The following MED23 variants were observed in gnomAD, a reference collection of about 807,000 sequenced individuals.
The protein encoded by MED23 is mediator of RNA polymerase II transcription subunit 23.
In MED23, 105 loss-of-function variants were observed where a neutral mutation model predicts 163.9. The ratio of observed to expected loss-of-function variants is 0.64; its 90% confidence interval spans 0.55 to 0.75. The LOEUF (loss-of-function observed/expected upper bound fraction) is 0.75. Ranked by LOEUF, MED23 falls within the 30% of genes least tolerant of loss-of-function variation. MED23 has a pLI of 0.00. For missense variants in MED23, 1,054 were observed against 1,649.0 expected (o/e 0.64, Z 6.25); for synonymous variants, 561 against 565.6 (o/e 0.99, Z 0.12).
intron 6 of MED23, 142 bp downstream of exon 6, chr6:131,621,739 A>T (rs762820101): frequency 3.9e-6 from 2 of 514,952 alleles, no homozygotes; most frequent in Non-Finnish European, 7.0e-6. Context: ...GGGAACTAGC[A>T]TCTTTTAAAA....
In MED23 at chr6:131,587,111, A is replaced by G; in HGVS notation, c.*568T>C. On this transcript the variant is annotated 3_prime_UTR_variant, in exon 29 of 29. Coordinates refer to ENST00000368068, the MANE Select transcript of MED23 (RefSeq NM_004830.4). Reference sequence around the variant, plus strand: ...AATAAAACTGCCAGTTGACCTTGATAGAAACTATGGAAATTTATAATAAAA... The same window carrying G: ...AATAAAACTGCCAGTTGACCTTGATGGAAACTATGGAAATTTATAATAAAA... The G allele has an allele frequency of 7.9e-7, 1 of 1,265,222 alleles. No homozygotes were observed. Among genetic ancestry groups the G allele is most frequent in the East Asian group, 3.2e-5 (1 of 31,080 alleles). 78.4% of individuals were successfully genotyped at this position (1,265,222 alleles called of 1,614,324 possible).
Position 131,604,168 on chromosome 6 carries a change from C to A in MED23, c.1756+10G>T. 6.2e-7 allele frequency: 1 copy of A among 1,613,384 alleles called. No individual in the cohort carries two copies. Among genetic ancestry groups the A allele is most frequent in the Non-Finnish European group, 8.5e-7 (1 of 1,179,488 alleles). On this transcript the variant is annotated intron_variant, in intron 15 of 28. Coordinates refer to ENST00000368068, the MANE Select transcript of MED23 (RefSeq NM_004830.4). Reference sequence around the variant, plus strand: ...TTAATAGTTATAAACACCAGAAAGTCCTGTCTTACTGATAAATCCTTTGAT... The same window carrying A: ...TTAATAGTTATAAACACCAGAAAGTACTGTCTTACTGATAAATCCTTTGAT...
intron 25 of MED23, 33 bp from the exon 26 acceptor site, chr6:131,591,560 T>C: frequency 1.3e-6 from 2 of 1,488,378 alleles, no homozygotes; most frequent in Non-Finnish European, 1.9e-6. Context: ...GTGAAAAATA[T>C]CACTTATCCA....
chr6:131,596,540 G>C lies in MED23; in HGVS notation c.2756C>G (p.Thr919Ser). 2 of 1,614,104 alleles carry C rather than the reference G, an allele frequency of 1.2e-6. No homozygotes were observed. Among genetic ancestry groups the C allele is most frequent in the African/African-American group, 1.3e-5 (1 of 75,042 alleles). The change falls in exon 21 of 29, where the codon ACC becomes AGC. Residue 919 changes from threonine to serine, a missense_variant. Physicochemically the swap from Thr to Ser is moderately conservative, Grantham distance 58. Coordinates refer to ENST00000368068, the MANE Select transcript of MED23 (RefSeq NM_004830.4). The part of the protein sequence containing the change: ...PEHWLQNDWH[T>S]KHMNYHKKYP... ...TACCTTGTGATAATTCATGTGCTTG[G>C]TGTGCCAGTCATTCTGTAACCAGTG...
chr6:131,597,475 CAAAAAAA>C (rs59083644), intron 20 of MED23, among the ~76,000 whole-genome samples: 112 of 53,740 alleles, frequency 2.1e-3, no homozygotes, highest in Non-Finnish European at 3.4e-3. Flanking sequence ...GACTCCATAT[CAAAAAAA>C]AAAAAAAAAA....
intron 16 of MED23, 142 bp from the exon 17 acceptor site, chr6:131,602,523 C>T: frequency 2.6e-6 from 2 of 761,272 alleles, no homozygotes; most frequent in Non-Finnish European, 2.0e-6. Context: ...ATAAATGTTG[C>T]TTAATTTGTT....
intron 28 of MED23, 101 bp from the exon 29 acceptor site, chr6:131,587,947 A>C (rs138083905): frequency 1.4e-4 from 136 of 995,712 alleles, no homozygotes; most frequent in Middle Eastern, 7.3e-4. Flanking sequence ...TAAACTAAGG[A>C]GTGTCGTGGG....
intron 3 of MED23, 31 bp downstream of exon 3, chr6:131,627,365 C>G: frequency 6.7e-7 from 1 of 1,501,022 alleles, no homozygotes; most frequent in Non-Finnish European, 9.2e-7. Flanking sequence ...CAAAAATCAT[C>G]AGCTGAATGT....
At chr6:131,579,584 T>G (rs1773811685) in intron 30 of MED23, 1 of 267,616 alleles carries the variant, frequency 3.7e-6, no homozygotes, top group Non-Finnish European at 7.3e-6. Flanking sequence ...GTGAGGCAAT[T>G]CATAGCTTAT....
rs1364644552 is a variant in MED23 at position 131,628,008 on chromosome 6, C to A, written c.39+3G>T. ...GTCCTGGATGGCCGGCAGCTGCACTCACCACCACCTCTTCGAAAATGCTCT... is the reference window on the plus strand; with the variant it reads ...GTCCTGGATGGCCGGCAGCTGCACTAACCACCACCTCTTCGAAAATGCTCT... On this transcript the variant is annotated splice_donor_region_variant and intron_variant, in intron 1 of 28. Transcript: ENST00000368068. 6.2e-7 allele frequency: 1 copy of A among 1,613,940 alleles called. No homozygotes were observed. Among genetic ancestry groups the A allele is most frequent in the Non-Finnish European group, 8.5e-7 (1 of 1,180,044 alleles).
At position 131,622,008 on chromosome 6, in the gene MED23, A is replaced by G. The variant is rs762029737; in HGVS notation, c.397-29T>C. On this transcript the variant is annotated intron_variant, in intron 5 of 28. Transcript: ENST00000368068. ...ATATAAGAAAAAAGACATGGGTTAA[A>G]ATTAAGTAGTGTCTACTGTGTTAGC... The G allele has an allele frequency of 2.0e-6, 3 of 1,511,658 alleles. No individual in the cohort carries two copies. In the East Asian group the frequency reaches 6.8e-5, roughly 34 times the overall value. The allele number at this position is 1,511,658 out of a possible 1,614,324, so 93.6% of individuals were successfully genotyped here.
rs1266719538 is a variant in MED23, at chr6:131,594,303, G to A, written c.3028C>T (p.His1010Tyr). 6.2e-7 allele frequency: 1 copy of A among 1,614,016 alleles called. No homozygotes were observed. The highest frequency in any genetic ancestry group is 1.3e-5 in the African/African-American group (1 of 75,026). Residue 1010 changes from histidine (H) to tyrosine (Y), a missense_variant, in exon 23 of 29, where the codon CAC (histidine) becomes TAC (tyrosine). Physicochemically the swap from His to Tyr is moderately conservative, Grantham distance 83. Around this residue, in one of 11 missense-constraint regions of MED23, gnomAD observed 362 missense variants for 471.6 expected, o/e 0.77. Coordinates refer to ENST00000368068, the MANE Select transcript of MED23 (RefSeq NM_004830.4). ...TCTCTCAGGTGCATTTCATAATAGT[G>A]CAGAGTGTTATACAGATAAGTCACT... is the stretch of plus-strand genomic sequence containing the variant. Reference protein sequence around the residue: ...RPVTYLYNTLHYYEMHLRDRA... With the variant: ...RPVTYLYNTLYYYEMHLRDRA...
intron 9 of MED23, among the ~76,000 whole-genome samples, chr6:131,617,445 C>T (rs116181556): frequency 0.012 from 1,732 of 149,300 alleles, 33 homozygotes; most frequent in African/African-American, 0.041. Flanking sequence ...ACCTTAGAAA[C>T]AGTTACGGCA....
rs375373004 is a variant in MED23, at chr6:131,600,140, T to C, written c.2118A>G (p.Ser706=). Reference sequence around the variant, plus strand: ...TGTCTTTACACCAAGTTCCCTGAATTGAATCAGAGCCTGTAAAAAAATCTA... The same window carrying C: ...TGTCTTTACACCAAGTTCCCTGAATCGAATCAGAGCCTGTAAAAAAATCTA... The part of the protein sequence containing the change: ...HVTDFFTGSD[S]IQGTWCKDIL... The change falls in exon 18 of 29, where the codon TCA becomes TCG. Residue 706 remains serine, a synonymous_variant. Transcript: ENST00000368068. 4.3e-6 allele frequency: 7 copies of C among 1,611,290 alleles called. No individual in the cohort carries two copies. In the African/African-American group the frequency reaches 8.0e-5, roughly 18 times the overall value.
Position 131,598,698 on chromosome 6 carries a change from C to A in MED23, c.2284G>T (p.Glu762Ter). 2 of 1,614,100 alleles carry A rather than the reference C, an allele frequency of 1.2e-6. No individual in the cohort carries two copies. The highest frequency in any genetic ancestry group is 1.1e-5 in the South Asian group (1 of 91,074). The change falls in exon 19 of 29, where the codon GAG becomes TAG. Residue 762 changes from glutamate (E) to a stop codon, truncating the protein, a stop_gained. Coordinates refer to ENST00000368068, the MANE Select transcript of MED23 (RefSeq NM_004830.4). LOFTEE classifies it high-confidence loss of function. This position sits in a 1 kb window ranked among gnomAD's most constrained non-coding sequence, Gnocchi z 4.7. ...ATTGACTTCCACTTCCTATACTCCT[C>A]CTCCACATTTTTTTTCAGATTAAAA... ...SRFNLKKNVE[E>*]EYRKWKSMSN...
chr6:131,594,150 A>C lies in MED23; in HGVS notation c.3181T>G (p.Trp1061Gly). The part of the protein sequence containing the change: ...CAMNAREENP[W>G]VPDDTYYCRL... ...CAATAGTAGGTGTCATCTGGAACCC[A>C]AGGATTTTCCTCTCGTGCATTCATA... Residue 1061 changes from tryptophan to glycine, a missense_variant, in exon 23 of 29, where the codon TGG (tryptophan) becomes GGG (glycine). Around this residue, in one of 11 missense-constraint regions of MED23, gnomAD observed 362 missense variants for 471.6 expected, o/e 0.77. Transcript: ENST00000368068. 1 of 1,614,194 alleles carries C rather than the reference A, an allele frequency of 6.2e-7. No individual in the cohort carries two copies. The highest frequency in any genetic ancestry group is 8.5e-7 in the Non-Finnish European group (1 of 1,180,026).
downstream of MED23, chr6:131,583,095 C>A (rs1774020295): frequency 1.2e-6 from 2 of 1,613,638 alleles, no homozygotes; most frequent in Admixed American, 3.3e-5. Context: ...AAATACTTTT[C>A]AATGACTGAA....
At chr6:131,604,605 C>A (rs1280803839) in intron 14 of MED23, among the ~76,000 whole-genome samples, 1 of 152,090 alleles carries the variant, frequency 6.6e-6, no homozygotes, top group African/African-American at 2.4e-5. Context: ...GGATTTTGGT[C>A]ACTCAAATGA....
rs551480998 is a variant in MED23 at position 131,626,137 on chromosome 6, A to G, written c.160-1148T>C. 6.0e-4 allele frequency among the ~76,000 whole-genome samples: 91 copies of G among 151,506 alleles called. No individual in the cohort carries two copies. In the South Asian group the frequency reaches 0.016, roughly 27 times the overall value. ...ACTCTGTCTCCAAAAAAAAAAAAAA[A>G]AAAGAAAAGAAAAAGATAATCTCAA... On this transcript the variant is annotated intron_variant, in intron 3 of 28. Coordinates refer to ENST00000368068, the MANE Select transcript of MED23 (RefSeq NM_004830.4).
Sources: allele counts gnomAD v4.1 joint callset (sites outside exome capture counted in the v4.1 genomes callset), GRCh38; gene constraint gnomAD v4.1.1; regional missense constraint gnomAD v4.1.1; non-coding constraint Gnocchi (gnomAD v3.1); transcripts MANE v1.5; gene names NCBI Gene and HGNC (gene_info 2026-07-23, HGNC 2026-07-21).